Variants in BTN2A1 observed in about 807,000 individuals in gnomAD.
BTN2A1 encodes butyrophilin, subfamily 2, member A1.
A neutral mutation model predicts 34.5 loss-of-function variants in BTN2A1; 41 were observed. The ratio of observed to expected loss-of-function variants is 1.19; its 90% CI spans 0.93 to 1.54. The LOEUF is 1.54. BTN2A1 is among the 40% of genes most tolerant of loss of function. The probability of loss-of-function intolerance (pLI) is 0.00; values close to 1 mark genes in which losing one functional copy is unlikely to be tolerated. For missense variants in BTN2A1, 642 were observed against 662.0 expected (o/e 0.97, Z 0.33); for synonymous variants, 267 against 258.6 (o/e 1.03, Z -0.31).
chr6:26,468,323 TC>T lies in BTN2A1; in HGVS notation c.1360del (p.Leu454TrpfsTer13), dbSNP rs1189825494. 2 of 1,614,206 alleles carry T rather than the reference TC, an allele frequency of 1.2e-6. No homozygotes were observed. The highest frequency in any genetic ancestry group is 3.3e-5 in the Admixed American group (2 of 60,030). On this transcript the variant is annotated frameshift_variant, in exon 8 of 8. Coordinates refer to ENST00000312541, the MANE Select transcript of BTN2A1 (RefSeq NM_007049.5). LOFTEE classifies it low-confidence loss of function (END_TRUNC). Reference protein sequence around the residue: ...LKESLCRVGVFLDYEAGDVSF... With the variant: ...LKESLCRVGVXLDYEAGDVSF... ...GAGTCCCTTTGCCGGGTGGGCGTCT[TC>T]CTGGACTATGAAGCTGGAGATGTCT...
In BTN2A1 at chr6:26,467,734, C is replaced by G. The variant is rs769310369; in HGVS notation, c.983-214C>G. 37 of 1,592,536 alleles carry G rather than the reference C, an allele frequency of 2.3e-5. No homozygotes were observed. The East Asian group carries it at 6.3e-4, about 27-fold the overall frequency. ...GATTTCTTAGAGCTCCAATTCTTCTCAAACTGAGAGAACTGCTTCTGTCTC... is the reference window on the plus strand; with the variant it reads ...GATTTCTTAGAGCTCCAATTCTTCTGAAACTGAGAGAACTGCTTCTGTCTC... On this transcript the variant is annotated intron_variant, in intron 7 of 7. Transcript: ENST00000312541.
chr6:26,457,998 G>A lies in BTN2A1; in HGVS notation c.-175G>A, dbSNP rs6907302. The stretch of plus-strand genomic sequence containing the variant: ...CTCCAAACATGGCGACCTAGGAGAA[G>A]GGGAAGAACAATTTTTTCTCCTCTT... On this transcript the variant is annotated 5_prime_UTR_variant, in exon 1 of 8. Transcript: ENST00000312541. 0.88 allele frequency: 134,763 copies of A among 152,432 alleles called. 59,798 individuals carry two copies. Among genetic ancestry groups the A allele is most frequent in the East Asian group, 0.97 (5,057 of 5,190 alleles). The allele number at this position is 152,432 out of a possible 1,614,324, so 9.4% of individuals were successfully genotyped here. A position where few individuals can be genotyped will look rare whatever the true frequency, so the allele number is the denominator to read the frequency against.
downstream of BTN2A1, among the ~76,000 whole-genome samples, chr6:26,472,682 CCT>C (rs1281369891): frequency 6.6e-6 from 1 of 152,158 alleles, no homozygotes; most frequent in African/African-American, 2.4e-5. Context: ...CCCCAGCTCA[CCT>C]GTGTTATAGC....
chr6:26,473,868 G>GT (rs11432623), downstream of BTN2A1, among the ~76,000 whole-genome samples: 25,804 of 152,100 alleles, frequency 0.17, 2,243 homozygotes, highest in African/African-American at 0.2. Flanking sequence ...ATTCAATATC[G>GT]TTTCAGTTTT....
At chr6:26,466,141 T>C in intron 7 of BTN2A1, 53 bp downstream of exon 7, 1 of 1,612,440 alleles carries the variant, frequency 6.2e-7, no homozygotes, top group Non-Finnish European at 8.5e-7. Flanking sequence ...ACTAGCCAGC[T>C]AACAGGACTC....
At chr6:26,472,232 G>C (rs1180548882), downstream of BTN2A1, among the ~76,000 whole-genome samples, 1 of 152,164 alleles carries the variant, frequency 6.6e-6, no homozygotes, top group Non-Finnish European at 1.5e-5. Flanking sequence ...GAGTGTAAGG[G>C]TCTACCAGCT....
At position 26,459,633 on chromosome 6, in the gene BTN2A1, A is replaced by G. The variant is rs771835623; in HGVS notation, c.235A>G (p.Lys79Glu). 7 of 1,614,092 alleles carry G rather than the reference A, an allele frequency of 4.3e-6. No homozygotes were observed. Among genetic ancestry groups the G allele is most frequent in the Non-Finnish European group, 5.9e-6 (7 of 1,179,994 alleles). ...SQFSPAVFVY[K>E]GGRERTEEQM... The stretch of plus-strand genomic sequence containing the variant: ...GTTCTCCCCCGCAGTGTTTGTGTAT[A>G]AAGGTGGCAGAGAGAGAACAGAGGA... Residue 79 changes from lysine to glutamate, a missense_variant, in exon 3 of 8, where the codon AAA becomes GAA. Physicochemically the swap from Lys to Glu is moderately conservative, Grantham distance 56. Transcript: ENST00000312541.
chr6:26,474,659 G>A lies in BTN2A1; in HGVS notation c.983-1463G>A, dbSNP rs557430775. On this transcript the variant is annotated intron_variant, in intron 7 of 7. Coordinates refer to the BTN2A1 transcript ENST00000469185. ...AGAATGCAAAGAGTAAGGACCTGAAGAGGCTGAGATTTGGCTGAAGAGGGA... is the reference window on the plus strand; with the variant it reads ...AGAATGCAAAGAGTAAGGACCTGAAAAGGCTGAGATTTGGCTGAAGAGGGA... 1.1e-4 allele frequency among the ~76,000 whole-genome samples: 16 copies of A among 152,200 alleles called. No homozygotes were observed. In the East Asian group the frequency reaches 2.7e-3, roughly 26 times the overall value.
chr6:26,462,679 G>C, intron 3 of BTN2A1: 10 of 567,256 alleles, frequency 1.8e-5, no homozygotes, highest in South Asian at 1.6e-4. Flanking sequence ...ATGGGTGGTA[G>C]AAAGCGGTGG....
In BTN2A1 at chr6:26,465,168, T is replaced by TCTGG. The variant is rs749425107; in HGVS notation, c.713-13_713-10dup. 60 of 1,607,906 alleles carry TCTGG rather than the reference T, an allele frequency of 3.7e-5. No individual in the cohort carries two copies. The Admixed American group carries it at 9.7e-4, about 26-fold the overall frequency. On this transcript the variant is annotated splice_polypyrimidine_tract_variant and intron_variant, in intron 4 of 7. Transcript: ENST00000312541. Reference sequence around the variant, plus strand: ...TTCTGTTTCAAACTAAGTGGATATTTCTGGCTGCCTTTTCAGAATCCTTTA... The same window carrying TCTGG: ...TTCTGTTTCAAACTAAGTGGATATTTCTGGCTGGCTGCCTTTTCAGAATCCTTTA...
chr6:26,475,927 A>G (rs1407045), intron 7 of BTN2A1, among the ~76,000 whole-genome samples: 60,870 of 152,010 alleles, frequency 0.4, 14,282 homozygotes, highest in East Asian at 0.68. Flanking sequence ...CAGTGCAGGC[A>G]GCATCTCAGG....
rs145662674 is a variant in BTN2A1, at chr6:26,468,088, G to A, written c.1123G>A (p.Val375Ile). ...AGAGAGATTCGACAGTCAGCCTTGTGTCCTAGGCCGGGAGAGCTTCGCTTC... is the reference window on the plus strand; with the variant it reads ...AGAGAGATTCGACAGTCAGCCTTGTATCCTAGGCCGGGAGAGCTTCGCTTC... ...NPERFDSQPCVLGRESFASGK... is the reference protein window; with the variant it reads ...NPERFDSQPCILGRESFASGK... The change falls in exon 8 of 8, where the codon GTC (valine) becomes ATC (isoleucine). Residue 375 changes from valine to isoleucine, a missense_variant. Val to Ile is a conservative substitution (Grantham distance 29). Transcript: ENST00000312541. 5.0e-5 allele frequency: 80 copies of A among 1,614,210 alleles called. No individual in the cohort carries two copies. In the African/African-American group the frequency reaches 8.0e-4, roughly 16 times the overall value.
downstream of BTN2A1, among the ~76,000 whole-genome samples, chr6:26,470,380 A>ACCCCCCC (rs11394562): frequency 1.8e-4 from 26 of 141,704 alleles, no homozygotes; most frequent in African/African-American, 5.8e-4. Flanking sequence ...TATGTCAGAG[A>ACCCCCCC]CCCCCCCCAC....
chr6:26,463,636 CTA>C, intron 4 of BTN2A1, 111 bp downstream of exon 4: 1 of 1,287,378 alleles, frequency 7.8e-7, no homozygotes, highest in Non-Finnish European at 1.1e-6. Context: ...GTCCTGGGCC[CTA>C]AGGACCTGGA....
Position 26,466,061 on chromosome 6 carries a change from G to A in BTN2A1, c.956-1G>A. On this transcript the variant is annotated splice_acceptor_variant, in intron 6 of 7. Coordinates refer to ENST00000312541, the MANE Select transcript of BTN2A1 (RefSeq NM_007049.5). LOFTEE classifies it high-confidence loss of function. Reference sequence around the variant, plus strand: ...CATTCGTCTCTGTCTGTCCCTTGCAGGATGGAGAAGAACATTCTTACATGC... The same window carrying A: ...CATTCGTCTCTGTCTGTCCCTTGCAAGATGGAGAAGAACATTCTTACATGC... 1 of 1,614,124 alleles carries A rather than the reference G, an allele frequency of 6.2e-7. No individual in the cohort carries two copies. Among genetic ancestry groups the A allele is most frequent in the Non-Finnish European group, 8.5e-7 (1 of 1,180,040 alleles).
At position 26,469,217 on chromosome 6, in the gene BTN2A1, G is replaced by A. The variant is rs9461254; in HGVS notation, c.*668G>A. 30,481 of 1,032,354 alleles carry A rather than the reference G, an allele frequency of 0.03. 3,785 individuals are homozygous for A. The African/African-American group carries it at 0.35, about 12-fold the overall frequency. 63.9% of individuals were successfully genotyped at this position (1,032,354 alleles called of 1,614,324 possible). ...GATGTAGTTTGGCTCAGGTGTCCCT[G>A]CAGTTGGCAAGGAGTCAGTACTCAG... On this transcript the variant is annotated 3_prime_UTR_variant, in exon 8 of 8. Coordinates refer to ENST00000312541, the MANE Select transcript of BTN2A1 (RefSeq NM_007049.5).
intron 4 of BTN2A1, among the ~76,000 whole-genome samples, chr6:26,464,929 G>A (rs552293455): frequency 6.6e-6 from 1 of 152,300 alleles, no homozygotes; most frequent in South Asian, 2.1e-4. Flanking sequence ...TGGCTGTGCC[G>A]ACTCAGCATG....
chr6:26,476,108 C>A (rs1288808188), intron 7 of BTN2A1: 3 of 1,535,240 alleles, frequency 2.0e-6, no homozygotes, highest in South Asian at 1.2e-5. Flanking sequence ...CCTATGTCTC[C>A]TTTTGAGTTG....
downstream of BTN2A1, among the ~76,000 whole-genome samples, chr6:26,473,339 A>G (rs1273297977): frequency 1.3e-5 from 2 of 152,236 alleles, no homozygotes; most frequent in African/African-American, 4.8e-5. Context: ...ATGAAAATAC[A>G]GTATGGCACA....
Sources: gnomAD v4.1 joint callset for allele counts (sites outside exome capture counted in the v4.1 genomes callset) on GRCh38, gnomAD v4.1.1 for gene constraint, MANE v1.5 for transcripts, NCBI Gene and HGNC (gene_info 2026-07-23, HGNC 2026-07-21) for gene names.